The following TNS3 variants were observed in gnomAD, a reference collection of about 807,000 sequenced individuals.
The protein encoded by TNS3 is tensin 3.
A neutral mutation model predicts 140.9 loss-of-function variants in TNS3; 45 were observed. That is an observed-to-expected ratio of 0.32 (90% confidence interval 0.25 to 0.41). The LOEUF (loss-of-function observed/expected upper bound fraction) is 0.41, where lower values mean the gene tolerates loss of function less well. Among genes scored for constraint, TNS3 ranks in the 10% least tolerant of loss-of-function variants. The probability of loss-of-function intolerance (pLI) is 1.00; values close to 1 mark genes in which losing one functional copy is unlikely to be tolerated. For missense variants in TNS3, 1,716 were observed against 1,906.7 expected (o/e 0.90, Z 1.86); for synonymous variants, 815 against 788.4 (o/e 1.03, Z -0.56).
intron 16 of TNS3, among the ~76,000 whole-genome samples, chr7:47,376,895 C>T (rs1321123143): frequency 2.6e-5 from 4 of 152,160 alleles, no homozygotes; most frequent in Non-Finnish European, 4.4e-5. Context: ...GTTTTTGTTC[C>T]GTTTCTTAAA....
rs544401547 is a variant in TNS3 at position 47,460,398 on chromosome 7, C to T, written c.-75-18343G>A. Among the ~76,000 whole-genome samples, 21 of 152,260 alleles carry T rather than the reference C, an allele frequency of 1.4e-4. No individual in the cohort carries two copies. In the South Asian group the frequency reaches 3.5e-3, roughly 26 times the overall value. ...AGCCTCCAGGACTGAGGGTGATAAC[C>T]GCCCATTGCTGCAGCTGCCCCGCAC... On this transcript the variant is annotated intron_variant, in intron 4 of 30. Coordinates refer to ENST00000311160, the MANE Select transcript of TNS3 (RefSeq NM_022748.12).
intron 20 of TNS3, among the ~76,000 whole-genome samples, chr7:47,338,518 A>T (rs898165393): frequency 6.6e-6 from 1 of 151,882 alleles, no homozygotes; most frequent in African/African-American, 2.4e-5. Flanking sequence ...CCATTTTCTA[A>T]TTTTTTTTCC....
rs558022234 is a variant in TNS3, at chr7:47,443,247, C to A, written c.-75-1192G>T. Among the ~76,000 whole-genome samples the A allele has an allele frequency of 5.9e-5, 9 of 152,194 alleles. No homozygotes were observed. The South Asian group carries it at 1.9e-3, about 32-fold the overall frequency. ...GACAGGGCCAGTCTCATGGAGCTGT[C>A]CAGGGATTCACTGAGGTAATTCTGT... On this transcript the variant is annotated intron_variant, in intron 4 of 30. Coordinates refer to ENST00000311160, the MANE Select transcript of TNS3 (RefSeq NM_022748.12).
At chr7:47,405,781 G>C (rs1316072384) in intron 13 of TNS3, among the ~76,000 whole-genome samples, 6 of 152,152 alleles carry the variant, frequency 3.9e-5, no homozygotes, top group Non-Finnish European at 5.9e-5. Context: ...CCTTATGTAA[G>C]TGCCCTCGGT....
At chr7:47,322,058 G>A (rs1787766070) in intron 20 of TNS3, among the ~76,000 whole-genome samples, 1 of 152,056 alleles carries the variant, frequency 6.6e-6, no homozygotes, top group African/African-American at 2.4e-5. Flanking sequence ...AAAGGCTAAA[G>A]AACTGTAAAA....
At chr7:47,433,071 C>T (rs1251497538) in intron 8 of TNS3, among the ~76,000 whole-genome samples, 2 of 152,266 alleles carry the variant, frequency 1.3e-5, no homozygotes, top group African/African-American at 4.8e-5. Context: ...GGAGACTGCA[C>T]ACACCCACAC....
rs770520080 is a variant in TNS3 at position 47,340,115 on chromosome 7, ATT to A, written c.2650+4638_2650+4639del. ...TACATATATATATATATATATATAT[ATT>A]TTTTTTTTTTTTTTTTTTTTTTTTT... On this transcript the variant is annotated intron_variant, in intron 20 of 30. Coordinates refer to ENST00000311160, the MANE Select transcript of TNS3 (RefSeq NM_022748.12). 3.1e-3 allele frequency among the ~76,000 whole-genome samples: 89 copies of A among 28,454 alleles called. 1 individual carries two copies. Among genetic ancestry groups the A allele is most frequent in the African/African-American group, 8.6e-3 (80 of 9,280 alleles). The allele number at this position is 28,454 out of a possible 152,430, so 18.7% of individuals were successfully genotyped here.
intron 13 of TNS3, among the ~76,000 whole-genome samples, chr7:47,401,129 G>A (rs867817654): frequency 3.9e-5 from 6 of 152,170 alleles, no homozygotes; most frequent in African/African-American, 1.2e-4. Flanking sequence ...TGCTGGGTGC[G>A]GGGCTCCACT....
chr7:47,564,650 C>A (rs11760963), intron 1 of TNS3, among the ~76,000 whole-genome samples: 59,167 of 98,028 alleles, frequency 0.6, 16,086 homozygotes, highest in South Asian at 0.75. Flanking sequence ...AAAAAAAAAA[C>A]AAAAAAAAAC....
At chr7:47,558,549 AT>A (rs1324102467) in intron 1 of TNS3, among the ~76,000 whole-genome samples, 1 of 152,142 alleles carries the variant, frequency 6.6e-6, no homozygotes, top group African/African-American at 2.4e-5. Context: ...CCAGGTTTTC[AT>A]TCTAAGGACT....
intron 17 of TNS3, among the ~76,000 whole-genome samples, chr7:47,364,123 C>T (rs1467982242): frequency 6.6e-6 from 1 of 151,980 alleles, no homozygotes; most frequent in African/African-American, 2.4e-5. Flanking sequence ...CTGCCGCTTG[C>T]CAAAGTAGCC....
At chr7:47,353,488 T>C (rs767739314) in intron 17 of TNS3, among the ~76,000 whole-genome samples, 2 of 152,214 alleles carry the variant, frequency 1.3e-5, no homozygotes, top group Non-Finnish European at 2.9e-5. Flanking sequence ...TGCAGAAGAT[T>C]AGAAAAACAC....
intron 3 of TNS3, among the ~76,000 whole-genome samples, chr7:47,482,906 G>C (rs1797474116): frequency 6.6e-6 from 1 of 152,236 alleles, no homozygotes; most frequent in South Asian, 2.1e-4. Context: ...GTCAGTGAAA[G>C]CCAGGGATTA....
chr7:47,400,292 T>C lies in TNS3; in HGVS notation c.919+101A>G, dbSNP rs1277937446. 4.2e-6 allele frequency: 4 copies of C among 952,118 alleles called. No individual in the cohort carries two copies. In the East Asian group the frequency reaches 7.3e-5, roughly 17 times the overall value. The allele number at this position is 952,118 out of a possible 1,614,324, so 59.0% of individuals were successfully genotyped here. ...AATTAATCACAGAAATCTCCAAATATGCACAAAGGCAGGAGACTAGTACTA... is the reference window on the plus strand; with the variant it reads ...AATTAATCACAGAAATCTCCAAATACGCACAAAGGCAGGAGACTAGTACTA... On this transcript the variant is annotated intron_variant, in intron 15 of 30. Transcript: ENST00000311160.
chr7:47,437,226 T>C, intron 7 of TNS3, 37 bp downstream of exon 7: 3 of 1,448,062 alleles, frequency 2.1e-6, no homozygotes, highest in Non-Finnish European at 2.8e-6. Context: ...TGTTTACATT[T>C]TACAAAATGC....
intron 4 of TNS3, among the ~76,000 whole-genome samples, chr7:47,443,262 G>C (rs1011452882): frequency 6.6e-6 from 1 of 152,198 alleles, no homozygotes; most frequent in African/African-American, 2.4e-5. Context: ...GATTCACTGA[G>C]GTAATTCTGT....
intron 20 of TNS3, among the ~76,000 whole-genome samples, chr7:47,340,361 TCTGCCCACCC>T (rs1448128217): frequency 6.6e-6 from 1 of 151,078 alleles, no homozygotes; most frequent in African/African-American, 2.4e-5. Flanking sequence ...GACCTCGTGA[TCTGCCCACCC>T]CTGCCTCCCA....
intron 28 of TNS3, 141 bp downstream of exon 28, chr7:47,283,556 A>G (rs3829000): frequency 0.68 from 445,989 of 656,370 alleles, 152,726 homozygotes; most frequent in Middle Eastern, 0.78. Flanking sequence ...ACAGAAAAAT[A>G]CCTAGACAGA....
At chr7:47,354,260 G>A (rs1304109458) in intron 17 of TNS3, among the ~76,000 whole-genome samples, 1 of 152,174 alleles carries the variant, frequency 6.6e-6, no homozygotes, top group African/African-American at 2.4e-5. Context: ...CACACAGATG[G>A]CTGTCACCTC....
Sources: allele counts gnomAD v4.1 joint callset (sites outside exome capture counted in the v4.1 genomes callset), GRCh38; gene constraint gnomAD v4.1.1; transcripts MANE v1.5; gene names NCBI Gene and HGNC (gene_info 2026-07-23, HGNC 2026-07-21).